Variants in NRXN3 observed in about 807,000 individuals in gnomAD.
NRXN3 encodes neurexin III.
A neutral mutation model predicts 137.6 loss-of-function variants in NRXN3; 32 were observed. That is an observed-to-expected ratio of 0.23 (90% confidence interval 0.18 to 0.31). NRXN3 has a LOEUF of 0.31. NRXN3 is among the 10% of genes least tolerant of loss of function. The pLI, the probability that NRXN3 is intolerant of heterozygous loss-of-function variation, is 1.00. For missense variants in NRXN3, 1,574 were observed against 2,062.5 expected (o/e 0.76, Z 4.59); for synonymous variants, 798 against 784.5 (o/e 1.02, Z -0.29).
At chr14:78,440,217 A>G (rs574309652) in intron 4 of NRXN3, among the ~76,000 whole-genome samples, 1 of 152,298 alleles carries the variant, frequency 6.6e-6, no homozygotes, top group East Asian at 1.9e-4. Flanking sequence ...TTTTGTATGA[A>G]GAGAGGTGGC....
At chr14:79,689,947 A>AG (rs1331819195) in intron 17 of NRXN3, among the ~76,000 whole-genome samples, 1 of 152,186 alleles carries the variant, frequency 6.6e-6, no homozygotes, top group African/African-American at 2.4e-5. Context: ...AAGAATATTT[A>AG]GCTTTATACT....
chr14:79,417,481 T>C (rs2095513501), intron 15 of NRXN3, among the ~76,000 whole-genome samples: 1 of 152,104 alleles, frequency 6.6e-6, no homozygotes. Flanking sequence ...CTATTGCTGC[T>C]TTTACTGCTG....
intron 1 of NRXN3, among the ~76,000 whole-genome samples, chr14:78,191,321 G>C (rs1595759327): frequency 6.6e-6 from 1 of 152,270 alleles, no homozygotes; most frequent in East Asian, 1.9e-4. Context: ...ACAGAGCATG[G>C]TGGCTGAGAG....
chr14:78,461,507 C>A (rs1254194184), intron 4 of NRXN3, among the ~76,000 whole-genome samples: 2 of 152,132 alleles, frequency 1.3e-5, no homozygotes, highest in Admixed American at 1.3e-4. Flanking sequence ...ACTCATTTTG[C>A]ATGGATGTTC....
chr14:79,137,706 AC>A (rs1183537599), intron 15 of NRXN3, among the ~76,000 whole-genome samples: 3 of 152,174 alleles, frequency 2.0e-5, no homozygotes, highest in Non-Finnish European at 4.4e-5. Context: ...TAAGGCTTAG[AC>A]CTTTTACCAG....
intron 10 of NRXN3, among the ~76,000 whole-genome samples, chr14:78,898,198 T>C (rs1239752091): frequency 2.6e-5 from 4 of 151,992 alleles, no homozygotes; most frequent in Admixed American, 2.6e-4. Context: ...GATATATTTA[T>C]TAAGTCCATA....
chr14:79,593,209 A>T (rs1398390278), intron 16 of NRXN3, among the ~76,000 whole-genome samples: 1 of 152,220 alleles, frequency 6.6e-6, no homozygotes, highest in Non-Finnish European at 1.5e-5. Flanking sequence ...AATTCAGTAT[A>T]TGAGAAGACA....
intron 6 of NRXN3, among the ~76,000 whole-genome samples, chr14:78,704,254 C>T (rs74067510): frequency 2.6e-4 from 39 of 152,278 alleles, no homozygotes; most frequent in African/African-American, 8.9e-4. Context: ...GGCAAGAGGG[C>T]AGACAGCTTC....
intron 10 of NRXN3, among the ~76,000 whole-genome samples, chr14:78,943,476 C>A (rs2099357082): frequency 3.3e-5 from 5 of 150,152 alleles, no homozygotes; most frequent in Admixed American, 2.7e-4. Flanking sequence ...TCTAAAATGT[C>A]AAGGTGAATG....
chr14:78,224,185 CT>C (rs11415590), intron 1 of NRXN3, among the ~76,000 whole-genome samples: 35,868 of 147,208 alleles, frequency 0.24, 4,392 homozygotes, highest in East Asian at 0.4. Context: ...CTCAACAAGA[CT>C]TTTTTTTTTT....
intron 15 of NRXN3, among the ~76,000 whole-genome samples, chr14:79,139,968 A>G (rs2058642978): frequency 6.7e-6 from 1 of 150,208 alleles, no homozygotes; most frequent in South Asian, 2.1e-4. Flanking sequence ...ATATATATGT[A>G]TATAATGTAT....
chr14:78,913,613 T>C (rs1156869833), intron 10 of NRXN3, among the ~76,000 whole-genome samples: 1 of 152,150 alleles, frequency 6.6e-6, no homozygotes, highest in South Asian at 2.1e-4. Context: ...AATCACTAAA[T>C]CCAATGTCCT....
intron 19 of NRXN3, among the ~76,000 whole-genome samples, chr14:79,713,359 G>A (rs2098811975): frequency 1.3e-5 from 2 of 148,880 alleles, no homozygotes; most frequent in South Asian, 2.1e-4. Flanking sequence ...GATTTGATGA[G>A]CTAAGCTATT....
chr14:79,089,817 G>A (rs1307206971), intron 15 of NRXN3, among the ~76,000 whole-genome samples: 1 of 152,032 alleles, frequency 6.6e-6, no homozygotes, highest in African/African-American at 2.4e-5. Flanking sequence ...AAGAAACACA[G>A]AAAATTCCAT....
chr14:79,351,111 G>A (rs2093185873), intron 15 of NRXN3, among the ~76,000 whole-genome samples: 1 of 152,150 alleles, frequency 6.6e-6, no homozygotes, highest in African/African-American at 2.4e-5. Flanking sequence ...GGTCTCTGCA[G>A]CCTCCAAAGT....
At chr14:78,547,743 A>G (rs1458313970) in intron 4 of NRXN3, among the ~76,000 whole-genome samples, 1 of 152,048 alleles carries the variant, frequency 6.6e-6, no homozygotes, top group Non-Finnish European at 1.5e-5. Context: ...ATAAATAGAA[A>G]TATTTTTCTC....
At chr14:78,526,462 A>G (rs1467024577) in intron 4 of NRXN3, among the ~76,000 whole-genome samples, 3 of 152,226 alleles carry the variant, frequency 2.0e-5, no homozygotes, top group Non-Finnish European at 2.9e-5. Context: ...CCAGTGTGAC[A>G]TCTAGCCAAA....
At chr14:79,457,148 G>A (rs192870484) in intron 15 of NRXN3, among the ~76,000 whole-genome samples, 105 of 152,100 alleles carry the variant, frequency 6.9e-4, no homozygotes, top group African/African-American at 2.2e-3. Context: ...AATCTTTTAC[G>A]GACATGACAA....
At chr14:78,606,932 G>A (rs372218390) in intron 4 of NRXN3, among the ~76,000 whole-genome samples, 7 of 152,148 alleles carry the variant, frequency 4.6e-5, no homozygotes, top group African/African-American at 1.7e-4. Context: ...TATTTACTGC[G>A]AGAGAAACAT....
Sources: gnomAD v4.1 joint callset for allele counts (sites outside exome capture counted in the v4.1 genomes callset) on GRCh38, gnomAD v4.1.1 for gene constraint, MANE v1.5 for transcripts, NCBI Gene and HGNC (gene_info 2026-07-23, HGNC 2026-07-21) for gene names.